UBAP2: variants seen among roughly 807,000 people sequenced by gnomAD.
UBAP2 encodes ubiquitin-associated protein 2.
In UBAP2, 75 loss-of-function variants were observed where a neutral mutation model predicts 139.6. That is an observed-to-expected ratio of 0.54 (90% CI 0.45 to 0.65). UBAP2 has a LOEUF of 0.65. Ranked by LOEUF, UBAP2 falls within the 30% of genes least tolerant of loss-of-function variation. The probability of loss-of-function intolerance (pLI) is 0.00; values close to 1 mark genes in which losing one functional copy is unlikely to be tolerated. For missense variants in UBAP2, 1,368 were observed against 1,369.6 expected, an observed-to-expected ratio of 1.00 and a Z score of 0.02; for synonymous variants, 526 against 526.2, an observed-to-expected ratio of 1.00 and a Z score of 0.01.
chr9:34,008,124 A>T (rs1823398456), intron 2 of UBAP2, among the ~76,000 whole-genome samples: 1 of 151,866 alleles, frequency 6.6e-6, no homozygotes, highest in Admixed American at 6.6e-5. Context: ...ACAGAGTGAG[A>T]CTCGTCTCAA....
chr9:33,938,982 C>T (rs1824843438), intron 16 of UBAP2: 1 of 424,388 alleles, frequency 2.4e-6, no homozygotes, highest in African/African-American at 2.1e-5. Context: ...GGAGGATGAT[C>T]CATCCAAGAC....
intron 1 of UBAP2, among the ~76,000 whole-genome samples, chr9:34,023,416 T>C (rs1018672601): frequency 3.3e-5 from 5 of 152,144 alleles, no homozygotes; most frequent in Admixed American, 1.3e-4. Context: ...ACCAAACATT[T>C]TGATATAATG....
chr9:34,020,209 A>G (rs2131292515), intron 1 of UBAP2, among the ~76,000 whole-genome samples: 1 of 151,538 alleles, frequency 6.6e-6, no homozygotes, highest in South Asian at 2.1e-4. Flanking sequence ...AGGCCTACAC[A>G]GGGTCAGGAT....
chr9:34,013,934 T>G (rs1824004435), intron 2 of UBAP2, among the ~76,000 whole-genome samples: 1 of 151,658 alleles, frequency 6.6e-6, no homozygotes, highest in African/African-American at 2.4e-5. Context: ...GACACCAATT[T>G]AAGATTACTT....
rs368580806 is a variant in UBAP2, at chr9:33,986,769, G to C, written c.511C>G (p.Arg171Gly). Residue 171 changes from arginine to glycine, a missense_variant, in exon 6 of 29, where the codon CGG becomes GGG. By Grantham distance (125) the Arg-to-Gly change is moderately radical. Transcript: ENST00000379238. ...DKPSDRGKRA[R>G]GRGFGRGRGR... ...TCTTACTCTAGCTTACCTCTACCCC[G>C]GGCTCGCTTGCCACGATCTGAAGGT... The C allele has an allele frequency of 8.7e-6, 14 of 1,613,802 alleles. No individual in the cohort carries two copies. The highest frequency in any genetic ancestry group is 1.2e-5 in the Non-Finnish European group (14 of 1,179,900).
chr9:34,048,481 G>C (rs1827816709), intron 1 of UBAP2, among the ~76,000 whole-genome samples: 1 of 152,190 alleles, frequency 6.6e-6, no homozygotes, highest in Non-Finnish European at 1.5e-5. Flanking sequence ...CCAGTCTACT[G>C]GCAGGCACCG....
rs561573582 is a variant in UBAP2 at position 34,043,974 on chromosome 9, G to A, written c.-42+4851C>T. On this transcript the variant is annotated intron_variant, in intron 1 of 28. Coordinates refer to ENST00000379238, the MANE Select transcript of UBAP2 (RefSeq NM_001370062.2). ...AAAATCCTGTCTCTACAAAAAATAC[G>A]AAAATTATCAGAGCACGGTGGCAGG... is the stretch of plus-strand genomic sequence containing the variant. 4.0e-5 allele frequency among the ~76,000 whole-genome samples: 6 copies of A among 148,188 alleles called. No individual in the cohort carries two copies. In the East Asian group the frequency reaches 8.0e-4, roughly 20 times the overall value.
At chr9:33,963,592 C>T (rs1827232770) in intron 9 of UBAP2, 134 bp downstream of exon 9, 1 of 533,010 alleles carries the variant, frequency 1.9e-6, no homozygotes, top group Non-Finnish European at 3.3e-6. Context: ...AATCTGATTA[C>T]CAAATAAATA....
chr9:34,011,425 C>T (rs1267389749), intron 2 of UBAP2, among the ~76,000 whole-genome samples: 1 of 152,050 alleles, frequency 6.6e-6, no homozygotes, highest in South Asian at 2.1e-4. Context: ...AGCCAATACA[C>T]ATAATAGTCA....
intron 19 of UBAP2, 82 bp from the exon 20 acceptor site, chr9:33,928,074 C>G (rs979441792): frequency 2.1e-6 from 3 of 1,448,134 alleles, no homozygotes; most frequent in Non-Finnish European, 2.8e-6. Flanking sequence ...GCGCTTGGGC[C>G]CAAGTCTCAA....
rs1034281939 is a variant in UBAP2, at chr9:33,999,364, G to A, written c.100-500C>T. Reference sequence around the variant, plus strand: ...CTTAAAAAGTAATGAAATCTTTAGAGGTAGTTGGTAGGCAAAAAATAATAA... The same window carrying A: ...CTTAAAAAGTAATGAAATCTTTAGAAGTAGTTGGTAGGCAAAAAATAATAA... On this transcript the variant is annotated intron_variant, in intron 2 of 28. Coordinates refer to ENST00000379238, the MANE Select transcript of UBAP2 (RefSeq NM_001370062.2). Among the ~76,000 whole-genome samples the A allele has an allele frequency of 4.0e-5, 6 of 150,680 alleles. No homozygotes were observed. In the East Asian group the frequency reaches 5.8e-4, roughly 15 times the overall value.
Position 33,987,944 on chromosome 9 carries a change from A to G in UBAP2, c.442+1029T>C, listed in dbSNP as rs561790911. On this transcript the variant is annotated intron_variant, in intron 5 of 28. Transcript: ENST00000379238. The stretch of plus-strand genomic sequence containing the variant: ...GCAGTCTTTTCTTTTTCTCATCCCT[A>G]TATTGGCATTAATAGCTCTACATAA... Among the ~76,000 whole-genome samples, 62 of 152,244 alleles carry G rather than the reference A, an allele frequency of 4.1e-4. 1 individual carries two copies. The highest frequency in any genetic ancestry group is 1.4e-3 in the African/African-American group (57 of 41,556).
chr9:33,957,846 G>T (rs558565236), intron 10 of UBAP2, among the ~76,000 whole-genome samples: 1 of 152,250 alleles, frequency 6.6e-6, no homozygotes, highest in East Asian at 1.9e-4. Context: ...GACAGTAGGT[G>T]TTCATTTTCT....
At chr9:34,040,347 AG>A (rs1826962371) in intron 1 of UBAP2, among the ~76,000 whole-genome samples, 1 of 142,468 alleles carries the variant, frequency 7.0e-6, no homozygotes, top group Non-Finnish European at 1.5e-5. Flanking sequence ...AAAAAAAAAA[AG>A]GGACAGAAAA....
At chr9:33,989,809 T>C (rs2131149936) in intron 4 of UBAP2, among the ~76,000 whole-genome samples, 1 of 152,282 alleles carries the variant, frequency 6.6e-6, no homozygotes, top group South Asian at 2.1e-4. Flanking sequence ...GACCACAAAA[T>C]TACTTAGAAT....
chr9:33,955,970 T>C (rs1826527224), intron 11 of UBAP2, 109 bp downstream of exon 11: 1 of 822,586 alleles, frequency 1.2e-6, no homozygotes, highest in Admixed American at 2.6e-5. Flanking sequence ...TAGCCTTGGA[T>C]AAAAAGGGAA....
chr9:34,038,390 C>A (rs1826658590), intron 1 of UBAP2, among the ~76,000 whole-genome samples: 1 of 152,214 alleles, frequency 6.6e-6, no homozygotes, highest in Non-Finnish European at 1.5e-5. Context: ...CTGCCTGATT[C>A]TCCTGCCTCG....
chr9:33,926,117 G>C (rs1823405626), intron 22 of UBAP2, among the ~76,000 whole-genome samples: 1 of 152,156 alleles, frequency 6.6e-6, no homozygotes, highest in Non-Finnish European at 1.5e-5. Context: ...CTAGATGGGA[G>C]GCCAGACCCA....
At chr9:33,949,990 A>G (rs974372181) in intron 12 of UBAP2, among the ~76,000 whole-genome samples, 1 of 152,218 alleles carries the variant, frequency 6.6e-6, no homozygotes, top group Non-Finnish European at 1.5e-5. Flanking sequence ...AGAAAAGACA[A>G]TGGAAGATCA....
Sources: gnomAD v4.1 joint callset for allele counts (sites outside exome capture counted in the v4.1 genomes callset) on GRCh38, gnomAD v4.1.1 for gene constraint, MANE v1.5 for transcripts, NCBI Gene and HGNC (gene_info 2026-07-23, HGNC 2026-07-21) for gene names.